Variants in EXOC6B observed in about 807,000 individuals in gnomAD.
The protein encoded by EXOC6B is exocyst complex component 6B.
Under a neutral mutation model 113.5 loss-of-function variants are expected in EXOC6B, and 54 were observed. The ratio of observed to expected loss-of-function variants is 0.48; its 90% CI spans 0.38 to 0.60. EXOC6B has a LOEUF of 0.60. Ranked by LOEUF, EXOC6B falls within the 20% of genes least tolerant of loss-of-function variation. The pLI, the probability that EXOC6B is intolerant of heterozygous loss-of-function variation, is 0.00. For missense variants in EXOC6B, 797 were observed against 977.5 expected, an observed-to-expected ratio of 0.82 and a Z score of 2.46; for synonymous variants, 357 against 339.0, an observed-to-expected ratio of 1.05 and a Z score of -0.58.
chr2:72,218,582 CTCT>C (rs1680676736), intron 20 of EXOC6B, among the ~76,000 whole-genome samples: 1 of 152,118 alleles, frequency 6.6e-6, no homozygotes, highest in South Asian at 2.1e-4. Flanking sequence ...TTCCCAGAAC[CTCT>C]TCTTTGCATT....
chr2:72,474,792 T>C (rs1307870011), intron 17 of EXOC6B, among the ~76,000 whole-genome samples: 1 of 152,174 alleles, frequency 6.6e-6, no homozygotes, highest in Non-Finnish European at 1.5e-5. Context: ...TGGAGAATTA[T>C]TCCTTTGGAG....
chr2:72,364,737 C>T (rs1690513348), intron 19 of EXOC6B, among the ~76,000 whole-genome samples: 1 of 152,134 alleles, frequency 6.6e-6, no homozygotes. Flanking sequence ...CCAGAATGTG[C>T]ATGTATTTCA....
At chr2:72,353,713 G>A in intron 19 of EXOC6B, among the ~76,000 whole-genome samples, 1 of 150,880 alleles carries the variant, frequency 6.6e-6, no homozygotes, top group East Asian at 1.9e-4. Flanking sequence ...AAAATTTCTA[G>A]TAAAAAAAAA....
At chr2:72,189,247 T>C (rs1362176009) in intron 20 of EXOC6B, among the ~76,000 whole-genome samples, 1 of 152,202 alleles carries the variant, frequency 6.6e-6, no homozygotes, top group Non-Finnish European at 1.5e-5. Flanking sequence ...TTTTCTTATA[T>C]GATATTGATA....
intron 8 of EXOC6B, among the ~76,000 whole-genome samples, chr2:72,532,573 G>T (rs1252351178): frequency 6.6e-6 from 1 of 152,128 alleles, no homozygotes; most frequent in Admixed American, 6.5e-5. Flanking sequence ...ACTTTGGGAG[G>T]CCGAGGCGGG....
chr2:72,178,052 ATTATAGGCAATCTTTC>A lies in EXOC6B; in HGVS notation c.*1267_*1282del, dbSNP rs1677845542. On this transcript the variant is annotated 3_prime_UTR_variant, in exon 22 of 22. Transcript: ENST00000272427. ...CAGGCTTTAGAGTTTGGAGGACAGG[ATTATAGGCAATCTTTC>A]TTAGACAAGGCCAAAGATGGCTTTG... 1 of 152,186 alleles carries A rather than the reference ATTATAGGCAATCTTTC, an allele frequency of 6.6e-6. No individual in the cohort carries two copies. 9.4% of individuals were successfully genotyped at this position (152,186 alleles called of 1,614,324 possible).
intron 20 of EXOC6B, among the ~76,000 whole-genome samples, chr2:72,327,347 G>C (rs1395625659): frequency 6.6e-6 from 1 of 151,882 alleles, no homozygotes; most frequent in African/African-American, 2.4e-5. Flanking sequence ...AAAATAAAAA[G>C]GAGTCTACCT....
At chr2:72,645,827 C>A (rs1280228934) in intron 6 of EXOC6B, among the ~76,000 whole-genome samples, 1 of 152,066 alleles carries the variant, frequency 6.6e-6, no homozygotes, top group Non-Finnish European at 1.5e-5. Flanking sequence ...TAAATGCCCA[C>A]AAAAGAAAGC....
At chr2:72,586,576 C>G (rs1227863876) in intron 6 of EXOC6B, among the ~76,000 whole-genome samples, 1 of 151,886 alleles carries the variant, frequency 6.6e-6, no homozygotes, top group African/African-American at 2.4e-5. Context: ...CATGGTGAAA[C>G]CCCGTCTCTA....
intron 19 of EXOC6B, among the ~76,000 whole-genome samples, chr2:72,336,187 A>G (rs1238148626): frequency 6.6e-6 from 1 of 152,188 alleles, no homozygotes; most frequent in Non-Finnish European, 1.5e-5. Flanking sequence ...TTATGCTTCT[A>G]TCCAGTACTG....
chr2:72,767,812 A>AAAAAAAAAAAAAAAAAAAC (rs1683166680), intron 1 of EXOC6B, among the ~76,000 whole-genome samples: 1 of 125,130 alleles, frequency 8.0e-6, no homozygotes, highest in African/African-American at 3.0e-5. Context: ...CCTTGTTAAA[A>AAAAAAAAAAAAAAAAAAAC]AAAAAAAAAA....
At chr2:72,217,457 G>A (rs1193470214) in intron 20 of EXOC6B, among the ~76,000 whole-genome samples, 1 of 152,096 alleles carries the variant, frequency 6.6e-6, no homozygotes, top group Non-Finnish European at 1.5e-5. Flanking sequence ...AAAGGAGCTA[G>A]TATTTAAAAA....
intron 18 of EXOC6B, among the ~76,000 whole-genome samples, chr2:72,421,788 G>A (rs966765635): frequency 5.3e-5 from 8 of 152,214 alleles, no homozygotes; most frequent in Non-Finnish European, 1.2e-4. Context: ...GGCTGGCCAA[G>A]GCTGGAGCCC....
At chr2:72,466,638 T>C (rs1396099422) in intron 17 of EXOC6B, among the ~76,000 whole-genome samples, 1 of 152,186 alleles carries the variant, frequency 6.6e-6, no homozygotes, top group Non-Finnish European at 1.5e-5. Flanking sequence ...ATGTGAACAA[T>C]GCTTTATAAA....
chr2:72,690,767 A>T (rs1226817892), intron 6 of EXOC6B, among the ~76,000 whole-genome samples: 2 of 152,190 alleles, frequency 1.3e-5, no homozygotes, highest in Non-Finnish European at 2.9e-5. Context: ...AACAATACAG[A>T]GAAAGATGCT....
chr2:72,698,629 A>G (rs1678064472), intron 6 of EXOC6B, among the ~76,000 whole-genome samples: 1 of 152,210 alleles, frequency 6.6e-6, no homozygotes, highest in Admixed American at 6.5e-5. Context: ...AATAAGTGGC[A>G]AAAGCTTGAG....
In EXOC6B at chr2:72,228,634, A is replaced by G. The variant is rs1459265587; in HGVS notation, c.2197-44447T>C. Among the ~76,000 whole-genome samples, 4 of 152,216 alleles carry G rather than the reference A, an allele frequency of 2.6e-5. No homozygotes were observed. The East Asian group carries it at 7.7e-4, about 29-fold the overall frequency. On this transcript the variant is annotated intron_variant, in intron 20 of 21. Transcript: ENST00000272427. Reference sequence around the variant, plus strand: ...GGCTGCATAGTATTCCATGGTGTATATGTGCCATATTTTCTTAATCCAGTC... The same window carrying G: ...GGCTGCATAGTATTCCATGGTGTATGTGTGCCATATTTTCTTAATCCAGTC...
Position 72,452,403 on chromosome 2 carries a change from T to C in EXOC6B, c.1980+12757A>G, listed in dbSNP as rs151068391. Among the ~76,000 whole-genome samples the C allele has an allele frequency of 3.4e-3, 524 of 152,228 alleles. 3 individuals carry two copies. Among genetic ancestry groups the C allele is most frequent in the Non-Finnish European group, 6.0e-3 (409 of 68,002 alleles). ...CATTAGTTCATAATAGGGGAAAATATAGAAAATAATATTTAAGATCATATA... is the reference window on the plus strand; with the variant it reads ...CATTAGTTCATAATAGGGGAAAATACAGAAAATAATATTTAAGATCATATA... On this transcript the variant is annotated intron_variant, in intron 18 of 21. Transcript: ENST00000272427.
intron 11 of EXOC6B, among the ~76,000 whole-genome samples, chr2:72,505,060 T>C (rs1700527267): frequency 1.3e-5 from 2 of 152,208 alleles, no homozygotes; most frequent in Non-Finnish European, 2.9e-5. Flanking sequence ...CCTACTCTTT[T>C]GTGAGGTTTT....
Sources: allele counts gnomAD v4.1 joint callset (sites outside exome capture counted in the v4.1 genomes callset), GRCh38; gene constraint gnomAD v4.1.1; transcripts MANE v1.5; gene names NCBI Gene and HGNC (gene_info 2026-07-23, HGNC 2026-07-21).